ZNF566: variants seen among roughly 807,000 people sequenced by gnomAD.
ZNF566 encodes zinc finger protein 566.
Under a neutral mutation model 32.8 loss-of-function variants are expected in ZNF566, and 27 were observed. The ratio of observed to expected loss-of-function variants is 0.82; its 90% CI spans 0.61 to 1.14. The LOEUF (loss-of-function observed/expected upper bound fraction) is 1.14, where lower values mean the gene tolerates loss of function less well. Ranked by LOEUF, ZNF566 falls within the 50% of genes most tolerant of loss-of-function variation. The pLI is 0.00. For synonymous variants in ZNF566, 154 were observed against 159.5 expected (o/e 0.97, Z 0.26); for missense variants, 402 against 490.4 (o/e 0.82, Z 1.70).
chr19:36,481,634 C>CAGT (rs1461724478), intron 1 of ZNF566, among the ~76,000 whole-genome samples: 4 of 152,114 alleles, frequency 2.6e-5, no homozygotes, highest in African/African-American at 7.2e-5. Flanking sequence ...ACTGGTACAA[C>CAGT]AGTTCTAGAG....
intron 1 of ZNF566, among the ~76,000 whole-genome samples, chr19:36,478,425 G>A (rs1340541950): frequency 6.6e-6 from 1 of 151,936 alleles, no homozygotes; most frequent in East Asian, 1.9e-4. Flanking sequence ...GCCTTCCTCT[G>A]GTTAAAGGGA....
intron 4 of ZNF566, 75 bp downstream of exon 4, chr19:36,472,836 G>A (rs1600165963): frequency 8.1e-7 from 1 of 1,236,852 alleles, no homozygotes; most frequent in African/African-American, 1.5e-5. Context: ...TGTGAGGAGA[G>A]TTTCCCAGAT....
intron 2 of ZNF566, 45 bp from the exon 3 acceptor site, chr19:36,473,503 G>T: frequency 2.0e-6 from 3 of 1,493,578 alleles, no homozygotes; most frequent in Non-Finnish European, 2.7e-6. Context: ...TTTTTAAAAA[G>T]TACTTTTGTG....
At chr19:36,455,403 C>CA (rs1015086438) in intron 4 of ZNF566, among the ~76,000 whole-genome samples, 8 of 151,806 alleles carry the variant, frequency 5.3e-5, no homozygotes, top group Admixed American at 6.6e-5. Flanking sequence ...CATCCAAATT[C>CA]AAAAAAACCC....
intron 4 of ZNF566, among the ~76,000 whole-genome samples, chr19:36,467,616 C>T (rs1009702435): frequency 6.7e-6 from 1 of 149,042 alleles, no homozygotes; most frequent in Non-Finnish European, 1.5e-5. Flanking sequence ...CATGGTGAAA[C>T]CCCATCTCTA....
In ZNF566 at chr19:36,449,664, C is replaced by T; in HGVS notation, c.570G>A (p.Glu190=). ...FRHGSQFATH[E]IIHTIEKPYE... is the part of the protein sequence containing the mutation. ...AAGGCTTCTCAATGGTATGAATTAT[C>T]TCATGTGTAGCAAACTGTGAGCCAT... The change falls in exon 5 of 5, where the codon GAG becomes GAA. Residue 190 remains glutamate (E), a synonymous_variant. Transcript: ENST00000452939. 2 of 1,614,046 alleles carry T rather than the reference C, an allele frequency of 1.2e-6. No individual in the cohort carries two copies. The highest frequency in any genetic ancestry group is 1.1e-5 in the South Asian group (1 of 91,074).
intron 4 of ZNF566, among the ~76,000 whole-genome samples, chr19:36,465,694 C>T (rs899912079): frequency 6.6e-5 from 10 of 151,770 alleles, no homozygotes; most frequent in Admixed American, 2.0e-4. Context: ...AGGATGGTCT[C>T]GATCTCCTGA....
chr19:36,467,790 CAAAAAAAAAAA>C (rs560803094), intron 4 of ZNF566, among the ~76,000 whole-genome samples: 6 of 85,924 alleles, frequency 7.0e-5, no homozygotes, highest in Admixed American at 3.4e-4. Flanking sequence ...GACTCCATCT[CAAAAAAAAAAA>C]AAAAAAAAAA....
rs889437430 is a variant in ZNF566 at position 36,467,551 on chromosome 19, C to G, written c.232+5360G>C. 2.0e-5 allele frequency among the ~76,000 whole-genome samples: 3 copies of G among 150,712 alleles called. No individual in the cohort carries two copies. The South Asian group carries it at 6.2e-4, about 31-fold the overall frequency. On this transcript the variant is annotated intron_variant, in intron 4 of 4. Transcript: ENST00000452939. Reference sequence around the variant, plus strand: ...GTGGCTCAAGACTATAATCCCAGCACTTTGGGAGGCGGGTGGGTCATTTGA... The same window carrying G: ...GTGGCTCAAGACTATAATCCCAGCAGTTTGGGAGGCGGGTGGGTCATTTGA...
intron 4 of ZNF566, among the ~76,000 whole-genome samples, chr19:36,451,257 A>T (rs540121502): frequency 6.6e-6 from 1 of 152,338 alleles, no homozygotes; most frequent in South Asian, 2.1e-4. Context: ...AGAGGGTGAC[A>T]ATCCAGAAAA....
chr19:36,455,580 A>G (rs1168187501), intron 4 of ZNF566, among the ~76,000 whole-genome samples: 1 of 151,986 alleles, frequency 6.6e-6, no homozygotes, highest in Admixed American at 6.6e-5. Flanking sequence ...CGTCTCTACT[A>G]AAAATACAAA....
chr19:36,459,518 C>CTT (rs963913140), intron 4 of ZNF566, among the ~76,000 whole-genome samples: 4 of 141,114 alleles, frequency 2.8e-5, no homozygotes, highest in Admixed American at 1.4e-4. Flanking sequence ...CAGCCTATTA[C>CTT]TTTTTTTTTT....
intron 1 of ZNF566, among the ~76,000 whole-genome samples, chr19:36,484,772 G>A (rs1383755812): frequency 1.3e-5 from 2 of 151,854 alleles, no homozygotes; most frequent in Admixed American, 6.6e-5. Flanking sequence ...TGTATTTTTA[G>A]TAGAGATGGG....
rs2032973458 is a variant in ZNF566, at chr19:36,445,588, G to C, written c.*3389C>G. 6.6e-6 allele frequency: 1 copy of C among 152,224 alleles called. No homozygotes were observed. Among genetic ancestry groups the C allele is most frequent in the Non-Finnish European group, 1.5e-5 (1 of 68,074 alleles). The allele number at this position is 152,224 out of a possible 1,614,324, so 9.4% of individuals were successfully genotyped here. On this transcript the variant is annotated 3_prime_UTR_variant, in exon 5 of 5. Coordinates refer to ENST00000452939, the MANE Select transcript of ZNF566 (RefSeq NM_001145344.1). ...TAATGCCAGCACTTTGGGAGGCCGA[G>C]GAGGGTGGATCACCTGAGGTCAGGA...
chr19:36,453,664 C>G (rs979718795), intron 4 of ZNF566, among the ~76,000 whole-genome samples: 20 of 150,632 alleles, frequency 1.3e-4, no homozygotes, highest in Non-Finnish European at 2.7e-4. Context: ...CAAAGTTAAG[C>G]TATTATTATT....
rs940165864 is a variant in ZNF566 at position 36,447,136 on chromosome 19, C to G, written c.*1841G>C. 1.3e-5 allele frequency: 2 copies of G among 152,288 alleles called. No homozygotes were observed. The highest frequency in any genetic ancestry group is 1.5e-5 in the Non-Finnish European group (1 of 68,204). 9.4% of individuals were successfully genotyped at this position (152,288 alleles called of 1,614,324 possible). A position where few individuals can be genotyped will look rare whatever the true frequency, so the allele number is the denominator to read the frequency against. On this transcript the variant is annotated 3_prime_UTR_variant, in exon 5 of 5. Transcript: ENST00000452939. Reference sequence around the variant, plus strand: ...ATTCAAGTGATTCTCCTGCCTCAGCCTCCCCAGTAGCTGGGATTACAGGCA... The same window carrying G: ...ATTCAAGTGATTCTCCTGCCTCAGCGTCCCCAGTAGCTGGGATTACAGGCA...
intron 1 of ZNF566, among the ~76,000 whole-genome samples, chr19:36,482,747 G>T (rs1368353389): frequency 1.3e-5 from 2 of 152,178 alleles, no homozygotes; most frequent in Non-Finnish European, 2.9e-5. Flanking sequence ...GTTGGAAAAT[G>T]AAGTAACAAG....
chr19:36,446,271 T>A lies in ZNF566; in HGVS notation c.*2706A>T, dbSNP rs1243459036. 5.3e-5 allele frequency: 4 copies of A among 75,058 alleles called. No homozygotes were observed. The highest frequency in any genetic ancestry group is 1.9e-4 in the African/African-American group (4 of 21,502). 4.6% of individuals were successfully genotyped at this position (75,058 alleles called of 1,614,324 possible). On this transcript the variant is annotated 3_prime_UTR_variant, in exon 5 of 5. Transcript: ENST00000452939. The stretch of plus-strand genomic sequence containing the variant: ...GCAAAGATAATCATTTTTTCTTTCT[T>A]TTTTTTTTTTTTTTTTGAGACAGAT...
At chr19:36,471,448 A>C (rs1160180255) in intron 4 of ZNF566, among the ~76,000 whole-genome samples, 1 of 152,046 alleles carries the variant, frequency 6.6e-6, no homozygotes, top group African/African-American at 2.4e-5. Context: ...AACACAGCCA[A>C]CGCACAGCTG....
Sources: allele counts gnomAD v4.1 joint callset (sites outside exome capture counted in the v4.1 genomes callset), GRCh38; gene constraint gnomAD v4.1.1; transcripts MANE v1.5; gene names NCBI Gene and HGNC (gene_info 2026-07-23, HGNC 2026-07-21).